Variants in PHLDB3 observed in about 807,000 individuals in gnomAD.
PHLDB3 encodes pleckstrin homology-like domain family B member 3.
Under a neutral mutation model 85.7 loss-of-function variants are expected in PHLDB3, and 86 were observed. That is an observed-to-expected ratio of 1.00 (90% CI 0.84 to 1.20). The LOEUF (loss-of-function observed/expected upper bound fraction) is 1.20, where lower values mean the gene tolerates loss of function less well. Among genes scored for constraint, PHLDB3 ranks in the 50% most tolerant of loss-of-function variants. The probability of loss-of-function intolerance (pLI) is 0.00; values close to 1 mark genes in which losing one functional copy is unlikely to be tolerated. For synonymous variants in PHLDB3, 376 were observed against 349.8 expected, an observed-to-expected ratio of 1.07 and a Z score of -0.83; for missense variants, 995 against 873.0, an observed-to-expected ratio of 1.14 and a Z score of -1.76.
In PHLDB3 at chr19:43,497,099, C is replaced by T; in HGVS notation, c.825+19G>A. 6.9e-7 allele frequency: 1 copy of T among 1,439,600 alleles called. No homozygotes were observed. The highest frequency in any genetic ancestry group is 1.5e-5 in the South Asian group (1 of 66,428). The allele number at this position is 1,439,600 out of a possible 1,614,324, so 89.2% of individuals were successfully genotyped here. A position where few individuals can be genotyped will look rare whatever the true frequency, so the allele number is the denominator to read the frequency against. On this transcript the variant is annotated intron_variant, in intron 6 of 15. Transcript: ENST00000292140. ...GAGAGGAGCAGCAAGGGGGGCAGCG[C>T]TGGTCAGGCATGACTCACTCTGTGC...
intron 15 of PHLDB3, among the ~76,000 whole-genome samples, chr19:43,477,559 G>A (rs1970953172): frequency 6.7e-6 from 1 of 149,394 alleles, no homozygotes; most frequent in Non-Finnish European, 1.5e-5. Context: ...GTTCACGCCT[G>A]TAATCCCAGA....
chr19:43,479,700 C>T, intron 13 of PHLDB3, 107 bp from the exon 14 acceptor site: 1 of 731,638 alleles, frequency 1.4e-6, no homozygotes, highest in South Asian at 1.7e-5. Flanking sequence ...AGGCCCGCTA[C>T]AGCCTTTAGA....
intron 4 of PHLDB3, among the ~76,000 whole-genome samples, chr19:43,501,288 A>T (rs1971591086): frequency 1.4e-5 from 2 of 144,730 alleles, no homozygotes; most frequent in African/African-American, 5.2e-5. Context: ...GATTCAAGCG[A>T]TTCTCCTGCC....
rs1393330738 is a variant in PHLDB3 at position 43,504,693 on chromosome 19, C to G, written c.-119G>C. 1 of 153,160 alleles carries G rather than the reference C, an allele frequency of 6.5e-6. No homozygotes were observed. The highest frequency in any genetic ancestry group is 2.4e-5 in the African/African-American group (1 of 41,482). The allele number at this position is 153,160 out of a possible 1,614,324, so 9.5% of individuals were successfully genotyped here. On this transcript the variant is annotated 5_prime_UTR_variant, in exon 1 of 16. Transcript: ENST00000292140. The stretch of plus-strand genomic sequence containing the variant: ...CACCTCCCCACAGCCTCGGCCCCCT[C>G]ACGAGCTCAGGCTTCGGCGCGCTCC...
chr19:43,479,947 C>T lies in PHLDB3; in HGVS notation c.1486-354G>A, dbSNP rs184399525. Among the ~76,000 whole-genome samples, 734 of 151,996 alleles carry T rather than the reference C, an allele frequency of 4.8e-3. 8 individuals carry two copies. Among genetic ancestry groups the T allele is most frequent in the African/African-American group, 0.016 (677 of 41,460 alleles). On this transcript the variant is annotated intron_variant, in intron 13 of 15. Coordinates refer to ENST00000292140, the MANE Select transcript of PHLDB3 (RefSeq NM_198850.4). ...CAGGTATTTCTGACCCTAGAGCTCA[C>T]CCTGAAACATCAGAGGCCTATCAAA...
At chr19:43,478,327 C>G (rs1293495051) in intron 14 of PHLDB3, among the ~76,000 whole-genome samples, 195 bp from the exon 15 acceptor site, 1 of 152,036 alleles carries the variant, frequency 6.6e-6, no homozygotes, top group Non-Finnish European at 1.5e-5. Flanking sequence ...AGAAACTGGA[C>G]ATGATTGGGG....
intron 13 of PHLDB3, among the ~76,000 whole-genome samples, chr19:43,482,052 T>C (rs1469785920): frequency 6.6e-6 from 1 of 152,194 alleles, no homozygotes; most frequent in African/African-American, 2.4e-5. Flanking sequence ...TCAGGCACTA[T>C]GCCAAGTGGT....
Position 43,486,315 on chromosome 19 carries a change from G to A in PHLDB3, c.1436C>T (p.Thr479Ile). ...RERLLKAREG[T>I]RRGTEGSSGP... ...TGAGGAACCTTCCGTGCCCCTTCTT[G>A]TTCCTTCCTGTGGATTCAGGATGAA... Residue 479 changes from threonine to isoleucine, a missense_variant, in exon 13 of 16, where the codon ACA becomes ATA. Physicochemically the swap from Thr to Ile is moderately conservative, Grantham distance 89. Transcript: ENST00000292140. 1 of 1,606,084 alleles carries A rather than the reference G, an allele frequency of 6.2e-7. No homozygotes were observed. The highest frequency in any genetic ancestry group is 8.5e-7 in the Non-Finnish European group (1 of 1,176,746).
At position 43,494,815 on chromosome 19, in the gene PHLDB3, G is replaced by A. The variant is rs776281407; in HGVS notation, c.1036C>T (p.Leu346=). 1.2e-6 allele frequency: 2 copies of A among 1,609,318 alleles called. No individual in the cohort carries two copies. The highest frequency in any genetic ancestry group is 1.3e-5 in the African/African-American group (1 of 74,886). ...FSEPNPALTK[L]LFTQKTDRQL... Reference sequence around the variant, plus strand: ...CGGTCTGTCTTCTGGGTGAACAGCAGCTGCAAGAGATGGGGTGAAGTTTCG... The same window carrying A: ...CGGTCTGTCTTCTGGGTGAACAGCAACTGCAAGAGATGGGGTGAAGTTTCG... The change falls in exon 9 of 16, where the codon CTG becomes TTG. Residue 346 remains leucine, a splice_region_variant and synonymous_variant. Transcript: ENST00000292140.
intron 7 of PHLDB3, 41 bp from the exon 8 acceptor site, chr19:43,495,380 G>A: frequency 6.2e-7 from 1 of 1,604,996 alleles, no homozygotes; most frequent in Non-Finnish European, 8.5e-7. Flanking sequence ...AAGTCAGAAT[G>A]GGCTGTCCCA....
At chr19:43,497,918 C>T (rs768172894) in intron 4 of PHLDB3, 42 bp from the exon 5 acceptor site, 11 of 1,563,178 alleles carry the variant, frequency 7.0e-6, no homozygotes, top group African/African-American at 4.1e-5. Context: ...TTAAGCATAG[C>T]GGGAGAAGCA....
intron 9 of PHLDB3, 42 bp from the exon 10 acceptor site, chr19:43,487,165 A>G: frequency 1.9e-5 from 29 of 1,515,866 alleles, no homozygotes; most frequent in Non-Finnish European, 2.5e-5. Flanking sequence ...AAAAGGCTTG[A>G]TCTCCAACCT....
At chr19:43,503,861 C>T (rs1331797033) in intron 2 of PHLDB3, 45 bp downstream of exon 2, 2 of 1,609,698 alleles carry the variant, frequency 1.2e-6, no homozygotes, top group Admixed American at 1.7e-5. Context: ...TGTTTGGGTC[C>T]CCGTCGGTCC....
At position 43,479,387 on chromosome 19, in the gene PHLDB3, G is replaced by A; in HGVS notation, c.1692C>T (p.Ala564=). Residue 564 remains alanine (A), a synonymous_variant, in exon 14 of 16, where the codon GCC becomes GCT. Transcript: ENST00000292140. ...CCAGGCTGGGCTTACCCGCATAGTAGGCCAAGCGGCGGGCTTGGCGGTCAA... is the reference window on the plus strand; with the variant it reads ...CCAGGCTGGGCTTACCCGCATAGTAAGCCAAGCGGCGGGCTTGGCGGTCAA... The part of the protein sequence containing the change: ...FCFDRQARRL[A]YYADKEETKL... The A allele has an allele frequency of 6.4e-7, 1 of 1,563,130 alleles. No homozygotes were observed. Among genetic ancestry groups the A allele is most frequent in the Non-Finnish European group, 8.7e-7 (1 of 1,154,324 alleles).
chr19:43,486,519 T>A, intron 12 of PHLDB3, 90 bp downstream of exon 12: 2 of 1,458,352 alleles, frequency 1.4e-6, no homozygotes, highest in South Asian at 1.3e-5. Context: ...CCCCTGGGTC[T>A]GAGGGAGGTG....
chr19:43,475,596 T>A, intron 15 of PHLDB3, 52 bp from the exon 16 acceptor site: 1 of 1,609,632 alleles, frequency 6.2e-7, no homozygotes, highest in South Asian at 1.1e-5. Context: ...CCGGCCACAG[T>A]CTGGGTGCGA....
rs757768966 is a variant in PHLDB3 at position 43,497,188 on chromosome 19, C to CTGGGCAG, written c.754_755insCTGCCCA (p.Arg252ProfsTer89). 9.1e-5 allele frequency: 142 copies of CTGGGCAG among 1,566,864 alleles called. No individual in the cohort carries two copies. The Middle Eastern group carries it at 1.0e-3, about 11-fold the overall frequency. On this transcript the variant is annotated frameshift_variant, in exon 6 of 16. Transcript: ENST00000292140. LOFTEE classifies it high-confidence loss of function. ...TGGCACCTGGGGCCCAGGGCTGTCCCGATCCTCCTCCTCCTGCCGGCTCTC... is the reference window on the plus strand; with the variant it reads ...TGGCACCTGGGGCCCAGGGCTGTCCCTGGGCAGGATCCTCCTCCTCCTGCCGGCTCTC...
At chr19:43,501,607 T>C (rs1202927062) in intron 4 of PHLDB3, 127 bp downstream of exon 4, 7 of 1,465,974 alleles carry the variant, frequency 4.8e-6, no homozygotes, top group Non-Finnish European at 6.3e-6. Flanking sequence ...CCCCTCACTC[T>C]CTCAGGAGCC....
At chr19:43,493,279 A>AGAAT (rs892692847) in intron 9 of PHLDB3, among the ~76,000 whole-genome samples, 1 of 59,330 alleles carries the variant, frequency 1.7e-5, no homozygotes, top group Non-Finnish European at 3.1e-5. Flanking sequence ...ACTCTGTCTC[A>AGAAT]GAATAAATAA....
Sources: gnomAD v4.1 joint callset for allele counts (sites outside exome capture counted in the v4.1 genomes callset) on GRCh38, gnomAD v4.1.1 for gene constraint, MANE v1.5 for transcripts, NCBI Gene and HGNC (gene_info 2026-07-23, HGNC 2026-07-21) for gene names.